SEPTIN3: variants seen among roughly 807,000 people sequenced by gnomAD.
SEPTIN3 encodes neuronal-specific septin-3.
SEPTIN3 carries 15 observed loss-of-function variants against 45.1 expected under a neutral mutation model. That is an observed-to-expected ratio of 0.33 (90% CI 0.22 to 0.51). The LOEUF (loss-of-function observed/expected upper bound fraction) is 0.51, where lower values mean the gene tolerates loss of function less well. SEPTIN3 is among the 20% of genes least tolerant of loss of function. The pLI, the probability that SEPTIN3 is intolerant of heterozygous loss-of-function variation, is 0.97. For missense variants in SEPTIN3, 289 were observed against 457.2 expected (o/e 0.63, Z 3.35); for synonymous variants, 148 against 164.8 (o/e 0.90, Z 0.78).
chr22:41,996,875 C>T, intron 11 of SEPTIN3, 27 bp from the exon 12 acceptor site: 1 of 1,613,182 alleles, frequency 6.2e-7, no homozygotes, highest in Non-Finnish European at 8.5e-7. Flanking sequence ...GTCTCCACAC[C>T]CTCAACCGTT....
intron 2 of SEPTIN3, among the ~76,000 whole-genome samples, chr22:41,974,400 C>T (rs551919208): frequency 1.3e-5 from 2 of 152,214 alleles, no homozygotes; most frequent in East Asian, 3.9e-4. Flanking sequence ...CGTGGTGGCT[C>T]ACACCTATAA....
Position 41,972,272 on chromosome 22 carries a change from C to T in SEPTIN3, c.780C>T (p.Asp260=). ...ANTTVNLTAM[D]TRTDAARHLA... is the part of the protein sequence containing the mutation. ...CGACTGTGAATTTGACTGCTATGGA[C>T]ACAAGGACAGACGCAGCCAGACATT... is the stretch of plus-strand genomic sequence containing the variant. Residue 260 remains aspartate (D), a synonymous_variant, in exon 2 of 12, where the codon GAC becomes GAT. Transcript: ENST00000644076. 2.5e-6 allele frequency: 1 copy of T among 399,136 alleles called. No individual in the cohort carries two copies. Among genetic ancestry groups the T allele is most frequent in the Admixed American group, 4.4e-5 (1 of 22,740 alleles). 24.7% of individuals were successfully genotyped at this position (399,136 alleles called of 1,614,324 possible).
chr22:41,985,028 A>AT (rs950226802), intron 3 of SEPTIN3, among the ~76,000 whole-genome samples: 12 of 149,590 alleles, frequency 8.0e-5, no homozygotes, highest in South Asian at 6.3e-4. Context: ...AATTTTTTGT[A>AT]TTTTTTTTAG....
chr22:41,971,015 G>C (rs2077952959), intron 1 of SEPTIN3, among the ~76,000 whole-genome samples: 1 of 152,038 alleles, frequency 6.6e-6, no homozygotes, highest in Non-Finnish European at 1.5e-5. Flanking sequence ...GGCTGCTGTG[G>C]GTGGGAACCC....
intron 2 of SEPTIN3, among the ~76,000 whole-genome samples, chr22:41,973,345 G>A (rs565854054): frequency 6.6e-6 from 1 of 151,864 alleles, no homozygotes; most frequent in South Asian, 2.1e-4. Context: ...AAAATGGTGA[G>A]ACTGTCTCTA....
At chr22:41,995,834 A>C (rs894764320) in intron 11 of SEPTIN3, 4 of 882,898 alleles carry the variant, frequency 4.5e-6, no homozygotes, top group Non-Finnish European at 5.4e-6. Flanking sequence ...TGTCCAGTTA[A>C]AGGAAGCACA....
chr22:41,971,732 G>GC lies in SEPTIN3; in HGVS notation c.245dup (p.Gln83ThrfsTer61). On this transcript the variant is annotated frameshift_variant, in exon 2 of 12. Transcript: ENST00000644076. LOFTEE classifies it high-confidence loss of function. The stretch of plus-strand genomic sequence containing the variant: ...GCCTTGGAGCCAGGACCCGGAGTGT[G>GC]CCCCCACAGGAGACGGGCATCGCTC... 2.5e-6 allele frequency: 1 copy of GC among 399,172 alleles called. No homozygotes were observed. The highest frequency in any genetic ancestry group is 4.4e-6 in the Non-Finnish European group (1 of 226,210). The allele number at this position is 399,172 out of a possible 1,614,324, so 24.7% of individuals were successfully genotyped here.
chr22:41,974,552 A>T (rs77114177), intron 2 of SEPTIN3, among the ~76,000 whole-genome samples: 1 of 151,706 alleles, frequency 6.6e-6, no homozygotes, highest in African/African-American at 2.4e-5. Flanking sequence ...AGTCCCAGCT[A>T]CTTGGGAGGC....
chr22:41,981,690 C>G lies in SEPTIN3; in HGVS notation c.1550C>G (p.Pro517Arg). 6.2e-7 allele frequency: 1 copy of G among 1,613,952 alleles called. No individual in the cohort carries two copies. The highest frequency in any genetic ancestry group is 8.5e-7 in the Non-Finnish European group (1 of 1,180,012). ...RTDAAMSELV[P>R]EPRPKPAVPM... ...GACGCAGCCATGTCAGAGCTGGTGCCTGAGCCCAGGCCTAAGCCAGCGGTG... is the reference window on the plus strand; with the variant it reads ...GACGCAGCCATGTCAGAGCTGGTGCGTGAGCCCAGGCCTAAGCCAGCGGTG... The change falls in exon 3 of 12, where the codon CCT becomes CGT. Residue 517 changes from proline to arginine, a missense_variant. Coordinates refer to ENST00000644076, the MANE Select transcript of SEPTIN3 (RefSeq NM_001363845.2).
chr22:41,985,348 G>C (rs1345224867), intron 3 of SEPTIN3, among the ~76,000 whole-genome samples: 2 of 152,198 alleles, frequency 1.3e-5, no homozygotes, highest in Non-Finnish European at 2.9e-5. Context: ...GGACACTAAG[G>C]CTTCTGGGAG....
At chr22:41,973,621 C>T (rs1329284658) in intron 2 of SEPTIN3, among the ~76,000 whole-genome samples, 25 of 151,340 alleles carry the variant, frequency 1.7e-4, no homozygotes, top group African/African-American at 6.1e-4. Context: ...TGCAATGAGC[C>T]GAGATCATGC....
rs1325488764 is a variant in SEPTIN3, at chr22:41,987,755, C to T, written c.2041C>T (p.His681Tyr). The change falls in exon 6 of 12, where the codon CAC becomes TAC. Residue 681 changes from histidine (H) to tyrosine (Y), a missense_variant. Physicochemically the swap from His to Tyr is moderately conservative, Grantham distance 83 (BLOSUM62 2). Transcript: ENST00000644076. Reference sequence around the variant, plus strand: ...CCTTTACTTCATCTCTCCCACAGGACACTCGTATGTACCAACCCTACCCCT... The same window carrying T: ...CCTTTACTTCATCTCTCCCACAGGATACTCGTATGTACCAACCCTACCCCT... ...CCLYFISPTG[H>Y]SLRPLDLEFM... 1.9e-6 allele frequency: 3 copies of T among 1,613,350 alleles called. No homozygotes were observed. Among genetic ancestry groups the T allele is most frequent in the Non-Finnish European group, 2.5e-6 (3 of 1,179,362 alleles).
At position 41,972,469 on chromosome 22, in the gene SEPTIN3, C is replaced by G; in HGVS notation, c.977C>G (p.Thr326Arg). ...VKSGKTVNLA[T>R]AGTIKPGTAM... ...TCAGGCAAAACCGTGAACTTGGCTA[C>G]AGCAGGCACAATCAAGCCGGGCACA... The change falls in exon 2 of 12, where the codon ACA (threonine) becomes AGA (arginine). Residue 326 changes from threonine (T) to arginine (R), a missense_variant. Transcript: ENST00000644076. 2.5e-6 allele frequency: 1 copy of G among 399,098 alleles called. No homozygotes were observed. Among genetic ancestry groups the G allele is most frequent in the South Asian group, 1.3e-4 (1 of 7,856 alleles). The allele number at this position is 399,098 out of a possible 1,614,324, so 24.7% of individuals were successfully genotyped here. A position where few individuals can be genotyped will look rare whatever the true frequency, so the allele number is the denominator to read the frequency against.
chr22:41,977,057 G>C (rs751717809), intron 2 of SEPTIN3: 1 of 1,601,944 alleles, frequency 6.2e-7, no homozygotes, highest in South Asian at 1.1e-5. Flanking sequence ...GGAGACAAAG[G>C]AGGATTCATG....
At chr22:41,973,193 T>C (rs1490997745) in intron 2 of SEPTIN3, among the ~76,000 whole-genome samples, 197 bp downstream of exon 2, 1 of 152,082 alleles carries the variant, frequency 6.6e-6, no homozygotes, top group East Asian at 1.9e-4. Context: ...GGTTCTAACC[T>C]GCCAGTCTGA....
At chr22:41,979,576 G>T (rs2078088951) in intron 2 of SEPTIN3, among the ~76,000 whole-genome samples, 1 of 152,208 alleles carries the variant, frequency 6.6e-6, no homozygotes, top group South Asian at 2.1e-4. Flanking sequence ...GAGGAGCAGG[G>T]CCAGGCTGCT....
At chr22:41,979,394 C>T (rs1043247249) in intron 2 of SEPTIN3, among the ~76,000 whole-genome samples, 3 of 152,202 alleles carry the variant, frequency 2.0e-5, no homozygotes, top group African/African-American at 7.2e-5. Flanking sequence ...ACCACCCCCC[C>T]AAACCATGTG....
chr22:41,987,169 G>A, intron 4 of SEPTIN3, 37 bp from the exon 5 acceptor site: 1 of 1,556,582 alleles, frequency 6.4e-7, no homozygotes, highest in South Asian at 1.1e-5. Flanking sequence ...TCAGCTGTAG[G>A]ACTGACCTCT....
chr22:41,992,401 C>T (rs1191673727), intron 8 of SEPTIN3, among the ~76,000 whole-genome samples: 1 of 152,152 alleles, frequency 6.6e-6, no homozygotes, highest in African/African-American at 2.4e-5. Flanking sequence ...ACAAAGCGCT[C>T]TGCAGCTGAA....
Sources: gnomAD v4.1 joint callset for allele counts (sites outside exome capture counted in the v4.1 genomes callset) on GRCh38, gnomAD v4.1.1 for gene constraint, MANE v1.5 for transcripts, NCBI Gene and HGNC (gene_info 2026-07-23, HGNC 2026-07-21) for gene names.